Variants in SLC24A2 observed in about 807,000 individuals in gnomAD.
SLC24A2 encodes sodium/potassium/calcium exchanger 2.
A neutral mutation model predicts 62.0 loss-of-function variants in SLC24A2; 36 were observed. That is an observed-to-expected ratio of 0.58 (90% CI 0.44 to 0.77). The LOEUF (loss-of-function observed/expected upper bound fraction) is 0.77, where lower values mean the gene tolerates loss of function less well. SLC24A2 is among the 30% of genes least tolerant of loss of function. The probability of loss-of-function intolerance (pLI) is 0.00; values close to 1 mark genes in which losing one functional copy is unlikely to be tolerated. For missense variants in SLC24A2, 846 were observed against 817.9 expected (o/e 1.03, Z -0.42); for synonymous variants, 358 against 294.0 (o/e 1.22, Z -2.23).
chr9:20,299,343 G>A, the SLC24A2 span, among the ~76,000 whole-genome samples: 3 of 152,176 alleles, frequency 2.0e-5, no homozygotes, highest in Admixed American at 6.5e-5. Flanking sequence ...TAGAGCTCTC[G>A]AGCAGGTGGG....
chr9:20,144,850 AAG>A, the SLC24A2 span, among the ~76,000 whole-genome samples: 1 of 152,172 alleles, frequency 6.6e-6, no homozygotes, highest in Non-Finnish European at 1.5e-5. Flanking sequence ...TTAAAAAAAA[AAG>A]AAAACTTCAG....
chr9:20,093,884 T>A, the SLC24A2 span, among the ~76,000 whole-genome samples: 1 of 152,210 alleles, frequency 6.6e-6, no homozygotes, highest in East Asian at 1.9e-4. Context: ...TCTGAAATGA[T>A]TATCATGCAT....
the SLC24A2 span, among the ~76,000 whole-genome samples, chr9:20,155,130 G>GA: frequency 0.11 from 12,181 of 112,420 alleles, 1,721 homozygotes; most frequent in African/African-American, 0.34. Flanking sequence ...TGCCCAACTG[G>GA]AAAAAAAAAA....
At chr9:19,880,303 C>A in the SLC24A2 span, among the ~76,000 whole-genome samples, 2,247 of 152,290 alleles carry the variant, frequency 0.015, 38 homozygotes, top group Non-Finnish European at 0.02. Flanking sequence ...GGTTGGCATG[C>A]AACTTTTCAT....
At chr9:20,210,967 G>C in the SLC24A2 span, among the ~76,000 whole-genome samples, 1 of 151,962 alleles carries the variant, frequency 6.6e-6, no homozygotes, top group Non-Finnish European at 1.5e-5. Flanking sequence ...AAACCTTTTG[G>C]ATCTAGACTG....
At chr9:19,985,484 C>T in the SLC24A2 span, among the ~76,000 whole-genome samples, 2 of 152,118 alleles carry the variant, frequency 1.3e-5, no homozygotes, top group South Asian at 4.1e-4. Flanking sequence ...GACACAAACA[C>T]TATGTACTAT....
At chr9:20,076,283 A>AC in the SLC24A2 span, among the ~76,000 whole-genome samples, 1 of 152,176 alleles carries the variant, frequency 6.6e-6, no homozygotes, top group Non-Finnish European at 1.5e-5. Context: ...ATGATAAAAA[A>AC]CTAGAGAGAG....
chr9:19,993,948 C>T, the SLC24A2 span, among the ~76,000 whole-genome samples: 3 of 152,204 alleles, frequency 2.0e-5, no homozygotes, highest in Admixed American at 1.3e-4. Flanking sequence ...TATTGCTGAG[C>T]ATCCTTCCAT....
chr9:20,173,862 A>G, the SLC24A2 span, among the ~76,000 whole-genome samples: 11 of 152,072 alleles, frequency 7.2e-5, no homozygotes, highest in African/African-American at 2.2e-4. Flanking sequence ...TAAAATTCAT[A>G]TGGAACCAAA....
At chr9:19,679,833 A>G (rs1819663605) in intron 2 of SLC24A2, among the ~76,000 whole-genome samples, 1 of 140,864 alleles carries the variant, frequency 7.1e-6, no homozygotes, top group African/African-American at 2.6e-5. Flanking sequence ...ATCTCCTCAC[A>G]TATACTGTGT....
the SLC24A2 span, among the ~76,000 whole-genome samples, chr9:20,003,203 C>G: frequency 6.6e-6 from 1 of 152,180 alleles, no homozygotes; most frequent in Admixed American, 6.5e-5. Context: ...TAACCAAACA[C>G]TTGAACACGT....
chr9:19,887,239 C>T, the SLC24A2 span, among the ~76,000 whole-genome samples: 1 of 152,116 alleles, frequency 6.6e-6, no homozygotes, highest in Non-Finnish European at 1.5e-5. Context: ...GTCCTTTCCC[C>T]ACTTTTTAAT....
chr9:19,514,618 T>C lies in SLC24A2; in HGVS notation c.*1535A>G, dbSNP rs1832855768. ...GAATATTTTAATTTCATGCATTCAA[T>C]GTAATGTTGAGCAAAATCAAGAAAT... On this transcript the variant is annotated 3_prime_UTR_variant, in exon 11 of 11. Coordinates refer to ENST00000341998, the MANE Select transcript of SLC24A2 (RefSeq NM_020344.4). The C allele has an allele frequency of 6.6e-6, 1 of 152,208 alleles. No homozygotes were observed. The highest frequency in any genetic ancestry group is 2.4e-5 in the African/African-American group (1 of 41,444). 9.4% of individuals were successfully genotyped at this position (152,208 alleles called of 1,614,324 possible). A position where few individuals can be genotyped will look rare whatever the true frequency, so the allele number is the denominator to read the frequency against.
chr9:20,214,028 G>A, the SLC24A2 span, among the ~76,000 whole-genome samples: 1 of 152,130 alleles, frequency 6.6e-6, no homozygotes, highest in African/African-American at 2.4e-5. Flanking sequence ...ATATTGTCGT[G>A]AGTGGCAGAA....
chr9:19,872,553 C>T, the SLC24A2 span, among the ~76,000 whole-genome samples: 27 of 152,244 alleles, frequency 1.8e-4, no homozygotes, highest in Admixed American at 1.7e-3. Flanking sequence ...TTGTCTCATA[C>T]GGCTCTGAGA....
chr9:19,788,863 G>T, intron 1 of SLC24A2, 22 bp downstream of exon 1: 1 of 985,412 alleles, frequency 1.0e-6, no homozygotes. Context: ...GCGGCAGGCG[G>T]GGCGCAGCCG....
the SLC24A2 span, among the ~76,000 whole-genome samples, chr9:20,163,094 A>C: frequency 3.3e-5 from 5 of 152,062 alleles, no homozygotes; most frequent in South Asian, 4.2e-4. Flanking sequence ...CCTCTCTCAC[A>C]ACTCCTATTC....
At chr9:19,773,125 C>G (rs980939018) in intron 2 of SLC24A2, among the ~76,000 whole-genome samples, 7 of 152,110 alleles carry the variant, frequency 4.6e-5, no homozygotes, top group Non-Finnish European at 8.8e-5. Flanking sequence ...TCTATACTGA[C>G]AAAGTAGATT....
At chr9:20,225,559 A>ATT in the SLC24A2 span, among the ~76,000 whole-genome samples, 1 of 119,870 alleles carries the variant, frequency 8.3e-6, no homozygotes, top group African/African-American at 3.9e-5. Flanking sequence ...TACTATATAT[A>ATT]TTATATATAT....
Sources: gnomAD v4.1 joint callset for allele counts (sites outside exome capture counted in the v4.1 genomes callset) on GRCh38, gnomAD v4.1.1 for gene constraint, MANE v1.5 for transcripts, NCBI Gene and HGNC (gene_info 2026-07-23, HGNC 2026-07-21) for gene names.